Variants in LRP1B observed in about 807,000 individuals in gnomAD.
LRP1B encodes the protein low-density lipoprotein receptor-related protein 1B.
In LRP1B, 217 loss-of-function variants were observed where a neutral mutation model predicts 556.6. The observed-to-expected ratio is 0.39, with a 90% CI of 0.35 to 0.44. LRP1B has a LOEUF of 0.44. LRP1B is among the 20% of genes least tolerant of loss of function. The probability of loss-of-function intolerance (pLI) is 1.00; values close to 1 mark genes in which losing one functional copy is unlikely to be tolerated. For missense variants in LRP1B, 5,053 were observed against 5,620.8 expected (o/e 0.90, Z 3.23); for synonymous variants, 2,047 against 1,865.8 (o/e 1.10, Z -2.50).
At chr2:141,532,309 C>A (rs1574052066) in intron 2 of LRP1B, among the ~76,000 whole-genome samples, 1 of 129,394 alleles carries the variant, frequency 7.7e-6, no homozygotes, top group Non-Finnish European at 1.8e-5. Context: ...TCTAGTATTA[C>A]ATTGTATGAA....
intron 3 of LRP1B, among the ~76,000 whole-genome samples, chr2:141,469,780 T>C (rs1375187737): frequency 6.6e-6 from 1 of 152,196 alleles, no homozygotes; most frequent in Non-Finnish European, 1.5e-5. Flanking sequence ...TAATTCTCAT[T>C]GGAATGTCCT....
At chr2:141,259,045 T>C (rs985814365) in intron 3 of LRP1B, among the ~76,000 whole-genome samples, 9 of 152,154 alleles carry the variant, frequency 5.9e-5, no homozygotes, top group Non-Finnish European at 1.0e-4. Flanking sequence ...GAATACACCT[T>C]CTCTATCAAA....
intron 66 of LRP1B, among the ~76,000 whole-genome samples, chr2:140,388,178 C>T (rs1352421246): frequency 3.3e-5 from 5 of 152,104 alleles, no homozygotes. Flanking sequence ...CTCAGGTGAT[C>T]CGCCAGTCTC....
intron 7 of LRP1B, among the ~76,000 whole-genome samples, chr2:141,180,722 A>G (rs1438624427): frequency 6.6e-6 from 1 of 151,966 alleles, no homozygotes; most frequent in East Asian, 1.9e-4. Flanking sequence ...CAAAAAACAA[A>G]ACAAAAACCC....
chr2:141,170,867 A>C (rs1256033538), intron 7 of LRP1B, among the ~76,000 whole-genome samples: 2 of 152,150 alleles, frequency 1.3e-5, no homozygotes, highest in African/African-American at 4.8e-5. Flanking sequence ...TAACTGAGTG[A>C]GAATGTGGAA....
intron 5 of LRP1B, among the ~76,000 whole-genome samples, chr2:141,233,396 C>T (rs912902487): frequency 6.6e-6 from 1 of 152,176 alleles, no homozygotes; most frequent in African/African-American, 2.4e-5. Flanking sequence ...TTTCTCTCTC[C>T]TGTGATGGAG....
chr2:140,372,116 T>C (rs1683024982), intron 69 of LRP1B, among the ~76,000 whole-genome samples: 1 of 152,014 alleles, frequency 6.6e-6, no homozygotes, highest in Admixed American at 6.6e-5. Context: ...GTTAGACCAC[T>C]GTGTAGTCTC....
chr2:141,818,531 C>CTTTTTTTTTTTTTT (rs70994453), intron 1 of LRP1B, among the ~76,000 whole-genome samples: 5 of 82,070 alleles, frequency 6.1e-5, no homozygotes, highest in East Asian at 4.4e-4. Flanking sequence ...ATTTCTGTAT[C>CTTTTTTTTTTTTTT]TTTTTTTTTT....
intron 42 of LRP1B, among the ~76,000 whole-genome samples, chr2:140,600,767 G>GTTTTTTTGTTTTTTTT (rs1682625754): frequency 1.8e-5 from 1 of 56,910 alleles, no homozygotes. Flanking sequence ...GTTCTTCGGG[G>GTTTTTTTGTTTTTTTT]TTTTTTTTTT....
At chr2:141,505,597 C>T (rs915263704) in intron 2 of LRP1B, among the ~76,000 whole-genome samples, 1 of 152,004 alleles carries the variant, frequency 6.6e-6, no homozygotes, top group Non-Finnish European at 1.5e-5. Flanking sequence ...TCAACATATA[C>T]CTGTTACTAT....
intron 2 of LRP1B, among the ~76,000 whole-genome samples, chr2:141,639,349 TACACACACACACAC>T (rs1553440025): frequency 8.9e-5 from 5 of 56,068 alleles, no homozygotes; most frequent in South Asian, 9.9e-4. Flanking sequence ...TATATATATA[TACACACACACACAC>T]ATATATATAT....
intron 1 of LRP1B, among the ~76,000 whole-genome samples, chr2:142,047,693 G>T (rs368085088): frequency 1.3e-5 from 2 of 151,934 alleles, no homozygotes; most frequent in East Asian, 3.9e-4. Context: ...ATGACTTCTG[G>T]CCTATGGATT....
Position 141,604,309 on chromosome 2 carries a change from G to A in LRP1B, c.206-123776C>T, listed in dbSNP as rs549761242. Among the ~76,000 whole-genome samples, 73 of 152,226 alleles carry A rather than the reference G, an allele frequency of 4.8e-4. 1 individual carries two copies. The highest frequency in any genetic ancestry group is 1.6e-3 in the African/African-American group (66 of 41,532). On this transcript the variant is annotated intron_variant, in intron 2 of 90. Coordinates refer to ENST00000389484, the MANE Select transcript of LRP1B (RefSeq NM_018557.3). ...ATGTTATGCCATGTTATAACAGAGC[G>A]TTCTCTAATTGGGTCTCCTCATGAA...
At chr2:141,733,790 A>C (rs1312632915) in intron 2 of LRP1B, among the ~76,000 whole-genome samples, 2 of 152,128 alleles carry the variant, frequency 1.3e-5, no homozygotes, top group Non-Finnish European at 2.9e-5. Flanking sequence ...GCCTAAAATC[A>C]AATCAGTGTT....
rs74347600 is a variant in LRP1B at position 140,568,910 on chromosome 2, G to A, written c.7195-26939C>T. 3.5e-3 allele frequency among the ~76,000 whole-genome samples: 534 copies of A among 152,054 alleles called. 6 individuals carry two copies. Among genetic ancestry groups the A allele is most frequent in the East Asian group, 0.034 (175 of 5,176 alleles). On this transcript the variant is annotated intron_variant, in intron 43 of 90. Transcript: ENST00000389484. ...GAAAAGCTAACCTTTAGTAATTAAG[G>A]AGAAATCAAATATTTCCCAGACAAG...
chr2:142,012,252 A>T lies in LRP1B; in HGVS notation c.82+118396T>A, dbSNP rs376634451. ...TGATATTGTTCACACAAAGTCAAAC[A>T]TTCATATGGAAACTGAAAATTTTAA... On this transcript the variant is annotated intron_variant, in intron 1 of 90. Coordinates refer to ENST00000389484, the MANE Select transcript of LRP1B (RefSeq NM_018557.3). Among the ~76,000 whole-genome samples the T allele has an allele frequency of 9.9e-5, 15 of 152,266 alleles. No individual in the cohort carries two copies. In the East Asian group the frequency reaches 1.2e-3, roughly 12 times the overall value.
intron 1 of LRP1B, among the ~76,000 whole-genome samples, chr2:141,990,646 G>A (rs892060779): frequency 6.6e-6 from 1 of 151,984 alleles, no homozygotes; most frequent in Non-Finnish European, 1.5e-5. Context: ...GGAGTTACAT[G>A]TTTATGGTTA....
At chr2:140,991,027 G>C (rs1697077498) in intron 16 of LRP1B, among the ~76,000 whole-genome samples, 1 of 151,796 alleles carries the variant, frequency 6.6e-6, no homozygotes, top group Non-Finnish European at 1.5e-5. Flanking sequence ...AGTTTTTATT[G>C]ATGTATAGTA....
chr2:141,229,308 T>C lies in LRP1B; in HGVS notation c.725A>G (p.Tyr242Cys). Residue 242 changes from tyrosine (Y) to cysteine (C), a missense_variant, in exon 6 of 91, where the codon TAT (tyrosine) becomes TGT (cysteine). By Grantham distance (194) the Tyr-to-Cys change is radical. Coordinates refer to ENST00000389484, the MANE Select transcript of LRP1B (RefSeq NM_018557.3). ...GNEIHTLDFI[Y>C]NEDMICWIES... ...AATCCAACAAATCATATCTTCATTATAAATAAAATCCAGAGTATGAATTTC... is the reference window on the plus strand; with the variant it reads ...AATCCAACAAATCATATCTTCATTACAAATAAAATCCAGAGTATGAATTTC... 3 of 1,612,714 alleles carry C rather than the reference T, an allele frequency of 1.9e-6. No homozygotes were observed. Among genetic ancestry groups the C allele is most frequent in the Admixed American group, 3.3e-5 (2 of 59,962 alleles).
Sources: gnomAD v4.1 joint callset for allele counts (sites outside exome capture counted in the v4.1 genomes callset) on GRCh38, gnomAD v4.1.1 for gene constraint, MANE v1.5 for transcripts, NCBI Gene and HGNC (gene_info 2026-07-23, HGNC 2026-07-21) for gene names.